CSNK2A2IP: variants seen among roughly 807,000 people sequenced by gnomAD.
CSNK2A2IP encodes the protein casein kinase 2 subunit alpha' interacting protein.
chr3:88,382,688 A>G, the CSNK2A2IP span: 1 of 152,210 alleles, frequency 6.6e-6, no homozygotes, highest in Non-Finnish European at 1.5e-5. Flanking sequence ...AAAGATTTGA[A>G]TAAGAAAGAT....
chr3:88,420,423 C>A, the CSNK2A2IP span, among the ~76,000 whole-genome samples: 4 of 152,064 alleles, frequency 2.6e-5, no homozygotes, highest in African/African-American at 9.7e-5. Context: ...AGATTAATAT[C>A]CCATCTTTGC....
At chr3:88,354,053 GTCTC>G in the CSNK2A2IP span, among the ~76,000 whole-genome samples, 1 of 152,042 alleles carries the variant, frequency 6.6e-6, no homozygotes, top group East Asian at 1.9e-4. Context: ...TGACACCTCT[GTCTC>G]TCTCTCTTGC....
chr3:88,432,639 C>T, the CSNK2A2IP span, among the ~76,000 whole-genome samples: 1 of 151,120 alleles, frequency 6.6e-6, no homozygotes, highest in African/African-American at 2.4e-5. Context: ...AACAAAATAG[C>T]TATAAAAACA....
the CSNK2A2IP span, among the ~76,000 whole-genome samples, chr3:88,435,899 TATGTGTGCA>T: frequency 5.4e-5 from 1 of 18,620 alleles, no homozygotes; most frequent in Non-Finnish European, 2.2e-4. Flanking sequence ...TAATGCACAT[TATGTGTGCA>T]TTATATATAT....
the CSNK2A2IP span, among the ~76,000 whole-genome samples, chr3:88,404,900 C>A: frequency 5.9e-5 from 9 of 152,242 alleles, no homozygotes; most frequent in South Asian, 6.2e-4. Flanking sequence ...TTAGCAAGAA[C>A]CTTGCTAAGT....
At chr3:88,415,483 G>A in the CSNK2A2IP span, among the ~76,000 whole-genome samples, 1 of 151,728 alleles carries the variant, frequency 6.6e-6, no homozygotes, top group Non-Finnish European at 1.5e-5. Flanking sequence ...CGTTCTTCAT[G>A]GTATGATTTA....
chr3:88,384,167 A>T, the CSNK2A2IP span, among the ~76,000 whole-genome samples: 1 of 152,248 alleles, frequency 6.6e-6, no homozygotes, highest in African/African-American at 2.4e-5. Context: ...CCCTGCCCCC[A>T]TGAAAATTAC....
At chr3:88,451,407 T>C in the CSNK2A2IP span, among the ~76,000 whole-genome samples, 3 of 133,440 alleles carry the variant, frequency 2.2e-5, no homozygotes, top group African/African-American at 7.9e-5. Flanking sequence ...TTAAGAGTTT[T>C]GCCTATTTTA....
the CSNK2A2IP span, among the ~76,000 whole-genome samples, chr3:88,370,372 AG>A: frequency 6.6e-6 from 1 of 151,902 alleles, no homozygotes; most frequent in Non-Finnish European, 1.5e-5. Flanking sequence ...CATCAGTCAA[AG>A]GTTGGACTAG....
At chr3:88,444,807 A>G in the CSNK2A2IP span, among the ~76,000 whole-genome samples, 12 of 152,314 alleles carry the variant, frequency 7.9e-5, no homozygotes, top group Admixed American at 2.6e-4. Flanking sequence ...TAAGCAAAAT[A>G]TCTTGAATTG....
the CSNK2A2IP span, among the ~76,000 whole-genome samples, chr3:88,461,161 G>A: frequency 6.6e-6 from 1 of 151,930 alleles, no homozygotes; most frequent in Non-Finnish European, 1.5e-5. Flanking sequence ...TTGTTGTTTC[G>A]TAATTACTGA....
chr3:88,353,841 A>G, the CSNK2A2IP span, among the ~76,000 whole-genome samples: 1 of 152,176 alleles, frequency 6.6e-6, no homozygotes, highest in East Asian at 1.9e-4. Flanking sequence ...TTTTAGCTGT[A>G]TGTAAGTCAT....
chr3:88,453,942 G>T, the CSNK2A2IP span, among the ~76,000 whole-genome samples: 1 of 151,984 alleles, frequency 6.6e-6, no homozygotes, highest in Non-Finnish European at 1.5e-5. Context: ...TTTCATTTGG[G>T]TAAATAAAAG....
At chr3:88,339,292 T>C in the CSNK2A2IP span, among the ~76,000 whole-genome samples, 1 of 151,912 alleles carries the variant, frequency 6.6e-6, no homozygotes, top group Non-Finnish European at 1.5e-5. Context: ...CCCATATTTG[T>C]GTGATAATAT....
At chr3:88,401,528 A>G in the CSNK2A2IP span, among the ~76,000 whole-genome samples, 1 of 152,120 alleles carries the variant, frequency 6.6e-6, no homozygotes, top group Non-Finnish European at 1.5e-5. Context: ...CCTTGCAGAA[A>G]ATTTAATTCG....
At chr3:88,380,528 G>T in the CSNK2A2IP span, among the ~76,000 whole-genome samples, 2 of 151,054 alleles carry the variant, frequency 1.3e-5, no homozygotes, top group African/African-American at 4.9e-5. Context: ...TCACTAGATC[G>T]GTAGAAATTT....
At chr3:88,397,894 G>A in the CSNK2A2IP span, among the ~76,000 whole-genome samples, 2 of 151,938 alleles carry the variant, frequency 1.3e-5, no homozygotes, top group East Asian at 1.9e-4. Context: ...CCTTCTAGGT[G>A]CCATCTACTA....
At chr3:88,371,475 T>A in the CSNK2A2IP span, among the ~76,000 whole-genome samples, 1 of 151,718 alleles carries the variant, frequency 6.6e-6, no homozygotes. Context: ...ATAAGTTAGT[T>A]AACATGAACA....
At chr3:88,466,235 T>C in the CSNK2A2IP span, 4 of 1,231,610 alleles carry the variant, frequency 3.2e-6, no homozygotes, top group South Asian at 1.2e-4. Context: ...ATTGGAGGCT[T>C]ACCAGTGTCC....
Sources: allele counts gnomAD v4.1 joint callset (sites outside exome capture counted in the v4.1 genomes callset), GRCh38; gene constraint gnomAD v4.1.1; transcripts MANE v1.5; gene names NCBI Gene and HGNC (gene_info 2026-07-23, HGNC 2026-07-21).